The following SLC30A8 variants were observed in gnomAD, a reference collection of about 807,000 sequenced individuals.
SLC30A8 encodes solute carrier family 30 member 8.
A neutral mutation model predicts 36.9 loss-of-function variants in SLC30A8; 27 were observed. That is an observed-to-expected ratio of 0.73 (90% CI 0.54 to 1.01). SLC30A8 has a LOEUF of 1.01. SLC30A8 is among the 50% of genes least tolerant of loss of function. SLC30A8 has a pLI of 0.00. For synonymous variants in SLC30A8, 164 were observed against 172.4 expected (o/e 0.95, Z 0.38); for missense variants, 439 against 452.0 (o/e 0.97, Z 0.26).
chr8:117,132,355 A>C (rs148293220), upstream of SLC30A8, among the ~76,000 whole-genome samples: 117 of 152,168 alleles, frequency 7.7e-4, no homozygotes, highest in African/African-American at 2.7e-3. Flanking sequence ...CTAGGACTGA[A>C]GAGCCAAACC....
At chr8:117,157,611 T>C (rs1000780548) in intron 3 of SLC30A8, 80 bp from the exon 4 acceptor site, 1 of 1,488,200 alleles carries the variant, frequency 6.7e-7, no homozygotes, top group Non-Finnish European at 9.1e-7. Flanking sequence ...AGTGGCAAAG[T>C]GTCTTATGAC....
At chr8:116,951,691 A>G (rs1167213628) in intron 1 of SLC30A8, among the ~76,000 whole-genome samples, 4 of 151,902 alleles carry the variant, frequency 2.6e-5, no homozygotes, top group Non-Finnish European at 4.4e-5. Flanking sequence ...GCCTTGGGTT[A>G]ACTTTATTGA....
intron 2 of SLC30A8, among the ~76,000 whole-genome samples, chr8:117,063,093 G>A (rs1038641256): frequency 1.3e-5 from 2 of 152,176 alleles, no homozygotes; most frequent in African/African-American, 4.8e-5. Flanking sequence ...AAGCCAGAAT[G>A]TAATCAGCGG....
chr8:117,100,955 C>A (rs1186206986), intron 2 of SLC30A8, among the ~76,000 whole-genome samples: 1 of 152,100 alleles, frequency 6.6e-6, no homozygotes, highest in Admixed American at 6.6e-5. Context: ...ACTAAACATA[C>A]CACTATTTAG....
intron 2 of SLC30A8, among the ~76,000 whole-genome samples, chr8:117,066,906 T>C (rs1426963211): frequency 6.6e-6 from 1 of 152,162 alleles, no homozygotes; most frequent in Non-Finnish European, 1.5e-5. Context: ...GGAAGCCTCC[T>C]GTATTAGTCT....
chr8:117,033,691 A>G (rs1817125315), intron 1 of SLC30A8, among the ~76,000 whole-genome samples: 1 of 152,202 alleles, frequency 6.6e-6, no homozygotes, highest in East Asian at 1.9e-4. Flanking sequence ...GTGGAAGAGG[A>G]GGTCAGAGTG....
rs973448794 is a variant in SLC30A8 at position 117,175,562 on chromosome 8, T to A, written c.*2881T>A. On this transcript the variant is annotated 3_prime_UTR_variant, in exon 8 of 8. Transcript: ENST00000456015. ...GACCTCGAGCTAGTTACTTAAATGC[T>A]CTGATCCTCTATTTCCTGATCAGTG... 1.3e-5 allele frequency: 2 copies of A among 152,130 alleles called. No individual in the cohort carries two copies. The highest frequency in any genetic ancestry group is 2.9e-5 in the Non-Finnish European group (2 of 68,016). 9.4% of individuals were successfully genotyped at this position (152,130 alleles called of 1,614,324 possible).
intron 1 of SLC30A8, among the ~76,000 whole-genome samples, chr8:117,136,826 T>C (rs1004777995): frequency 5.9e-5 from 9 of 151,982 alleles, no homozygotes; most frequent in Non-Finnish European, 1.3e-4. Context: ...CAACCACTTA[T>C]AGTTACAAAG....
At chr8:117,086,511 C>A (rs1818883407) in intron 2 of SLC30A8, among the ~76,000 whole-genome samples, 1 of 152,162 alleles carries the variant, frequency 6.6e-6, no homozygotes, top group African/African-American at 2.4e-5. Flanking sequence ...GCAACAAGCA[C>A]CTTACTTCTG....
chr8:116,964,744 G>A (rs1461764251), intron 1 of SLC30A8, among the ~76,000 whole-genome samples: 2 of 152,142 alleles, frequency 1.3e-5, no homozygotes, highest in Admixed American at 1.3e-4. Flanking sequence ...ATGGCCTGAG[G>A]TTACTCATCA....
At chr8:117,005,737 C>T (rs796815349) in intron 1 of SLC30A8, among the ~76,000 whole-genome samples, 50 of 152,314 alleles carry the variant, frequency 3.3e-4, no homozygotes, top group African/African-American at 9.9e-4. Flanking sequence ...TTTACTTCTT[C>T]AACTGCTCAG....
intron 2 of SLC30A8, among the ~76,000 whole-genome samples, chr8:117,058,875 G>A (rs1245700308): frequency 6.6e-6 from 1 of 152,186 alleles, no homozygotes; most frequent in East Asian, 1.9e-4. Context: ...CAAAGCTAGA[G>A]TTGAGAGGTT....
At chr8:117,128,932 A>G (rs1440452165) in intron 2 of SLC30A8, among the ~76,000 whole-genome samples, 1 of 152,004 alleles carries the variant, frequency 6.6e-6, no homozygotes, top group African/African-American at 2.4e-5. Context: ...AAGAATTCGA[A>G]CTCACAGCCT....
intron 2 of SLC30A8, among the ~76,000 whole-genome samples, chr8:117,068,298 C>T (rs1228550814): frequency 6.6e-6 from 1 of 152,154 alleles, no homozygotes; most frequent in African/African-American, 2.4e-5. Flanking sequence ...AAGGGTGCTT[C>T]ACTAGTAAAA....
intron 3 of SLC30A8, among the ~76,000 whole-genome samples, chr8:117,153,435 A>G (rs1252031904): frequency 1.3e-5 from 2 of 152,190 alleles, no homozygotes; most frequent in South Asian, 2.1e-4. Context: ...AGCTTCTGCC[A>G]TATTGCAAAA....
intron 1 of SLC30A8, among the ~76,000 whole-genome samples, chr8:117,017,306 T>C (rs1816551510): frequency 6.6e-6 from 1 of 152,236 alleles, no homozygotes; most frequent in African/African-American, 2.4e-5. Context: ...TCTTGTGTTC[T>C]AATATCAACC....
At position 117,175,148 on chromosome 8, in the gene SLC30A8, G is replaced by T. The variant is rs887079578; in HGVS notation, c.*2467G>T. 2.6e-5 allele frequency: 4 copies of T among 152,108 alleles called. No individual in the cohort carries two copies. The highest frequency in any genetic ancestry group is 7.2e-5 in the African/African-American group (3 of 41,428). 9.4% of individuals were successfully genotyped at this position (152,108 alleles called of 1,614,324 possible). ...TTATTGTTATACTTTAAGTTCTGGGGTACATGTGCGGAACATGTAGGTTTG... is the reference window on the plus strand; with the variant it reads ...TTATTGTTATACTTTAAGTTCTGGGTTACATGTGCGGAACATGTAGGTTTG... On this transcript the variant is annotated 3_prime_UTR_variant, in exon 8 of 8. Coordinates refer to ENST00000456015, the MANE Select transcript of SLC30A8 (RefSeq NM_173851.3).
intron 1 of SLC30A8, among the ~76,000 whole-genome samples, chr8:116,954,992 A>G (rs996596824): frequency 8.5e-5 from 13 of 152,234 alleles, no homozygotes; most frequent in African/African-American, 2.9e-4. Flanking sequence ...GGCCAGGTAA[A>G]TGTATCAGTT....
chr8:117,114,682 G>C (rs1820370146), intron 2 of SLC30A8, among the ~76,000 whole-genome samples: 1 of 151,744 alleles, frequency 6.6e-6, no homozygotes, highest in Admixed American at 6.6e-5. Flanking sequence ...AGAGACTGGA[G>C]TCTACTGAGA....
Sources: gnomAD v4.1 joint callset for allele counts (sites outside exome capture counted in the v4.1 genomes callset) on GRCh38, gnomAD v4.1.1 for gene constraint, MANE v1.5 for transcripts, NCBI Gene and HGNC (gene_info 2026-07-23, HGNC 2026-07-21) for gene names.